STT3B: variants seen among roughly 807,000 people sequenced by gnomAD.
STT3B encodes dolichyl-diphosphooligosaccharide--protein glycosyltransferase subunit STT3B.
STT3B carries 29 observed loss-of-function variants against 96.8 expected under a neutral mutation model. The observed-to-expected ratio is 0.30, with a 90% CI of 0.22 to 0.41. The LOEUF is 0.41. Among genes scored for constraint, STT3B ranks in the 10% least tolerant of loss-of-function variants. STT3B has a pLI of 1.00. For missense variants in STT3B, 640 were observed against 1,022.3 expected, an observed-to-expected ratio of 0.63 and a Z score of 5.10; for synonymous variants, 367 against 360.0, an observed-to-expected ratio of 1.02 and a Z score of -0.22.
At chr3:31,600,945 G>T (rs1289856982) in intron 5 of STT3B, among the ~76,000 whole-genome samples, 1 of 152,104 alleles carries the variant, frequency 6.6e-6, no homozygotes, top group Non-Finnish European at 1.5e-5. Context: ...TTTAGCGGTA[G>T]ATGATGTTTC....
At chr3:31,622,363 C>A in intron 10 of STT3B, 55 bp downstream of exon 10, 1 of 1,431,046 alleles carries the variant, frequency 7.0e-7, no homozygotes, top group Non-Finnish European at 9.8e-7. Flanking sequence ...TTAATTTTTC[C>A]ACCACAGTAA....
In STT3B at chr3:31,593,421, T is replaced by TGTA. The variant is rs534814377; in HGVS notation, c.712-3374_712-3372dup. 2.4e-4 allele frequency among the ~76,000 whole-genome samples: 37 copies of TGTA among 152,226 alleles called. No homozygotes were observed. The South Asian group carries it at 7.5e-3, about 31-fold the overall frequency. ...GTACTTTGACTACAGTTTGTCTAGG[T>TGTA]GTAGTTCTCTGTATTTATTGTATTT... On this transcript the variant is annotated intron_variant, in intron 3 of 15. Transcript: ENST00000295770.
chr3:31,536,987 T>C (rs1476204828), intron 1 of STT3B, among the ~76,000 whole-genome samples: 1 of 152,246 alleles, frequency 6.6e-6, no homozygotes, highest in African/African-American at 2.4e-5. Context: ...GCAATGAAGT[T>C]CCCTATGTGA....
At chr3:31,615,040 C>A in intron 5 of STT3B, 65 bp from the exon 6 acceptor site, 1 of 942,108 alleles carries the variant, frequency 1.1e-6, no homozygotes, top group Non-Finnish European at 1.6e-6. Flanking sequence ...TTTACATATA[C>A]ATTTATGTTT....
At chr3:31,630,210 T>TCTAA (rs1322018914) in intron 14 of STT3B, among the ~76,000 whole-genome samples, 2 of 152,218 alleles carry the variant, frequency 1.3e-5, no homozygotes, top group Non-Finnish European at 2.9e-5. Flanking sequence ...AAAAGTTCTA[T>TCTAA]CTAACCTCTT....
chr3:31,610,086 G>A (rs1245679205), intron 5 of STT3B, among the ~76,000 whole-genome samples: 1 of 152,170 alleles, frequency 6.6e-6, no homozygotes, highest in African/African-American at 2.4e-5. Context: ...TGCTGGTCAA[G>A]AAGAATCAGT....
At chr3:31,618,455 G>GT (rs965355900) in intron 8 of STT3B, among the ~76,000 whole-genome samples, 87 of 143,012 alleles carry the variant, frequency 6.1e-4, no homozygotes, top group Admixed American at 9.7e-4. Flanking sequence ...ATCTGTTGTG[G>GT]TTTTTTTTTT....
chr3:31,549,811 A>T (rs1487933937), intron 1 of STT3B, among the ~76,000 whole-genome samples: 3 of 152,192 alleles, frequency 2.0e-5, no homozygotes, highest in African/African-American at 7.2e-5. Context: ...ACTTAAATAT[A>T]TGTTATACAC....
chr3:31,628,604 C>T (rs1363629545), intron 13 of STT3B, among the ~76,000 whole-genome samples: 1 of 152,116 alleles, frequency 6.6e-6, no homozygotes, highest in Middle Eastern at 3.2e-3. Flanking sequence ...AATTGTTCCT[C>T]ATAGAGGTTA....
chr3:31,561,266 A>G (rs1163354051), intron 1 of STT3B, among the ~76,000 whole-genome samples: 1 of 151,098 alleles, frequency 6.6e-6, no homozygotes, highest in Non-Finnish European at 1.5e-5. Flanking sequence ...TTTTTTTTTC[A>G]AAATTTTTTA....
rs149751732 is a variant in STT3B at position 31,573,442 on chromosome 3, G to A, written c.315-2954G>A. 4.4e-3 allele frequency among the ~76,000 whole-genome samples: 666 copies of A among 152,262 alleles called. 3 individuals carry two copies. The highest frequency in any genetic ancestry group is 0.014 in the African/African-American group (581 of 41,536). On this transcript the variant is annotated intron_variant, in intron 1 of 15. Transcript: ENST00000295770. ...AAAAGATGATAGCTTGGATTACAGT[G>A]CTAGTAGCAGAATAAGAAAATAGTA...
rs1195753869 is a variant in STT3B, at chr3:31,636,403, A to C, written c.*339A>C. 5.5e-6 allele frequency: 1 copy of C among 182,560 alleles called. No homozygotes were observed. Among genetic ancestry groups the C allele is most frequent in the Non-Finnish European group, 1.1e-5 (1 of 88,732 alleles). The allele number at this position is 182,560 out of a possible 1,614,324, so 11.3% of individuals were successfully genotyped here. ...GTCCCTGGCACATGCATACTTGTCA[A>C]TGTTTTTATTCTTTTACAAGACCTG... On this transcript the variant is annotated 3_prime_UTR_variant, in exon 16 of 16. Coordinates refer to ENST00000295770, the MANE Select transcript of STT3B (RefSeq NM_178862.3).
intron 3 of STT3B, among the ~76,000 whole-genome samples, chr3:31,594,360 A>T (rs1425056263): frequency 1.3e-5 from 2 of 151,828 alleles, no homozygotes; most frequent in African/African-American, 2.4e-5. Flanking sequence ...ATGCCCCCAG[A>T]CACCAGTTGA....
intron 4 of STT3B, among the ~76,000 whole-genome samples, chr3:31,599,240 A>G (rs1221126798): frequency 1.3e-5 from 2 of 152,112 alleles, no homozygotes; most frequent in Non-Finnish European, 2.9e-5. Context: ...AATTTGAGCT[A>G]ATCTTTTTTT....
chr3:31,561,280 T>C (rs1392286325), intron 1 of STT3B, among the ~76,000 whole-genome samples: 1 of 152,110 alleles, frequency 6.6e-6, no homozygotes, highest in African/African-American at 2.4e-5. Flanking sequence ...TTTTTTATTT[T>C]TTAAAAAAAT....
chr3:31,567,301 T>A (rs1436064792), intron 1 of STT3B, among the ~76,000 whole-genome samples: 1 of 152,216 alleles, frequency 6.6e-6, no homozygotes, highest in African/African-American at 2.4e-5. Context: ...ATATTTGCTG[T>A]TCTTTTATCA....
chr3:31,571,944 A>C (rs1305113775), intron 1 of STT3B, among the ~76,000 whole-genome samples: 1 of 142,962 alleles, frequency 7.0e-6, no homozygotes, highest in Admixed American at 7.3e-5. Flanking sequence ...TATTATATAT[A>C]ATATTAAATA....
At chr3:31,634,830 T>A (rs1646116393) in intron 15 of STT3B, among the ~76,000 whole-genome samples, 1 of 152,172 alleles carries the variant, frequency 6.6e-6, no homozygotes, top group African/African-American at 2.4e-5. Context: ...GATGTAATTA[T>A]AATAAAGAAA....
intron 1 of STT3B, among the ~76,000 whole-genome samples, chr3:31,552,351 T>A (rs1339814967): frequency 6.6e-6 from 1 of 152,200 alleles, no homozygotes; most frequent in Non-Finnish European, 1.5e-5. Flanking sequence ...TAGACATGAT[T>A]CTAGTTTAGT....
Sources: allele counts gnomAD v4.1 joint callset (sites outside exome capture counted in the v4.1 genomes callset), GRCh38; gene constraint gnomAD v4.1.1; transcripts MANE v1.5; gene names NCBI Gene and HGNC (gene_info 2026-07-23, HGNC 2026-07-21).